ANKRD45: variants seen among roughly 807,000 people sequenced by gnomAD.
ANKRD45 encodes ankyrin repeat domain-containing protein 45.
Under a neutral mutation model 28.1 loss-of-function variants are expected in ANKRD45, and 21 were observed. The ratio of observed to expected loss-of-function variants is 0.75; its 90% CI spans 0.53 to 1.08. The LOEUF (loss-of-function observed/expected upper bound fraction) is 1.08. ANKRD45 is among the 50% of genes least tolerant of loss of function. The pLI, the probability that ANKRD45 is intolerant of heterozygous loss-of-function variation, is 0.00. For missense variants in ANKRD45, 261 were observed against 308.7 expected (o/e 0.85, Z 1.16); for synonymous variants, 86 against 103.9 (o/e 0.83, Z 1.05).
intron 1 of ANKRD45, among the ~76,000 whole-genome samples, chr1:173,666,299 C>A (rs968924971): frequency 1.3e-5 from 2 of 152,238 alleles, no homozygotes; most frequent in Admixed American, 1.3e-4. Context: ...GAATGCAGAT[C>A]TTGACATTTC....
At chr1:173,635,312 G>A in intron 3 of ANKRD45, 2 of 507,550 alleles carry the variant, frequency 3.9e-6, no homozygotes, top group East Asian at 3.2e-5. Flanking sequence ...ATGTTACAAT[G>A]ATCATCACTG....
intron 5 of ANKRD45, among the ~76,000 whole-genome samples, chr1:173,619,065 T>A (rs1276313752): frequency 6.6e-6 from 1 of 152,112 alleles, no homozygotes; most frequent in Non-Finnish European, 1.5e-5. Context: ...AGAAATAAGA[T>A]CCTTTTCAGA....
In ANKRD45 at chr1:173,610,048, T is replaced by TA. The variant is rs1479902379; in HGVS notation, c.*96dup. ...CGATGTAATGTTGTACTTAAATACT[T>TA]AAAGAAACCCACATCTGTTTTCTCG... On this transcript the variant is annotated 3_prime_UTR_variant, in exon 6 of 6. Coordinates refer to ENST00000333279, the MANE Select transcript of ANKRD45 (RefSeq NM_198493.3). The TA allele has an allele frequency of 5.5e-6, 7 of 1,272,004 alleles. No individual in the cohort carries two copies. In the Admixed American group the frequency reaches 1.3e-4, roughly 24 times the overall value. The allele number at this position is 1,272,004 out of a possible 1,614,324, so 78.8% of individuals were successfully genotyped here.
At chr1:173,675,668 T>G in the ANKRD45 span, among the ~76,000 whole-genome samples, 6 of 152,068 alleles carry the variant, frequency 3.9e-5, no homozygotes, top group African/African-American at 1.4e-4. Flanking sequence ...TAGAAAATAA[T>G]AAAAATTGAA....
At chr1:173,710,379 G>C in the ANKRD45 span, among the ~76,000 whole-genome samples, 1 of 152,166 alleles carries the variant, frequency 6.6e-6, no homozygotes, top group Admixed American at 6.5e-5. Context: ...AGTACATGTG[G>C]AACAGGTCCA....
At chr1:173,639,156 A>G (rs968115715) in intron 3 of ANKRD45, among the ~76,000 whole-genome samples, 3 of 152,230 alleles carry the variant, frequency 2.0e-5, no homozygotes, top group Admixed American at 2.0e-4. Flanking sequence ...GGCGTGGCAC[A>G]TACAGTTAGA....
At chr1:173,687,483 G>A in the ANKRD45 span, among the ~76,000 whole-genome samples, 1 of 119,412 alleles carries the variant, frequency 8.4e-6, no homozygotes, top group East Asian at 2.4e-4. Context: ...TTTCTTCTCT[G>A]AAGATAACTA....
chr1:173,674,374 A>G (rs1670346070), upstream of ANKRD45, among the ~76,000 whole-genome samples: 1 of 151,200 alleles, frequency 6.6e-6, no homozygotes, highest in Admixed American at 6.6e-5. Context: ...CACATTCACC[A>G]TGCTTTTGTG....
the ANKRD45 span, among the ~76,000 whole-genome samples, chr1:173,689,805 G>A: frequency 6.6e-6 from 1 of 152,036 alleles, no homozygotes; most frequent in East Asian, 1.9e-4. Flanking sequence ...GTCTCGGGTG[G>A]AGAATTTCTG....
At chr1:173,646,400 A>G (rs1308196577) in intron 3 of ANKRD45, among the ~76,000 whole-genome samples, 1 of 152,182 alleles carries the variant, frequency 6.6e-6, no homozygotes, top group Non-Finnish European at 1.5e-5. Flanking sequence ...TAGCACTATA[A>G]ATTAATTTAG....
At position 173,661,907 on chromosome 1, in the gene ANKRD45, A is replaced by C. The variant is rs1351819684; in HGVS notation, c.-15-2474T>G. On this transcript the variant is annotated intron_variant, in intron 1 of 5. Coordinates refer to ENST00000333279, the MANE Select transcript of ANKRD45 (RefSeq NM_198493.3). ...TAAACATGGTGAAACACTAGGAAAT[A>C]ACAGGGAAGTGAAGAGAAAAAACTT... 2.6e-5 allele frequency among the ~76,000 whole-genome samples: 4 copies of C among 152,322 alleles called. No individual in the cohort carries two copies. In the East Asian group the frequency reaches 7.7e-4, roughly 29 times the overall value.
rs1558135292 is a variant in ANKRD45, at chr1:173,646,989, G to A, written c.353C>T (p.Ala118Val). The change falls in exon 3 of 6, where the codon GCA (alanine) becomes GTA (valine). Residue 118 changes from alanine (A) to valine (V), a missense_variant. Physicochemically the swap from Ala to Val is moderately conservative, Grantham distance 64 (BLOSUM62 0). Coordinates refer to ENST00000333279, the MANE Select transcript of ANKRD45 (RefSeq NM_198493.3). ...TRGYTLLHCA[A>V]AWGRLETLKA... ...CAAAGTTTCCAAACGACCCCAGGCT[G>A]CAGCACAATGTAAGAGTGTGTACCC... The A allele has an allele frequency of 1.2e-6, 2 of 1,614,040 alleles. No individual in the cohort carries two copies. The highest frequency in any genetic ancestry group is 2.7e-5 in the African/African-American group (2 of 75,036).
chr1:173,687,454 A>ACCCCC, the ANKRD45 span, among the ~76,000 whole-genome samples: 1 of 74,414 alleles, frequency 1.3e-5, no homozygotes, highest in Non-Finnish European at 3.1e-5. Context: ...TATAAATTCT[A>ACCCCC]CCCCCCCCCC....
At chr1:173,630,818 T>TAAAAAA in intron 3 of ANKRD45, among the ~76,000 whole-genome samples, 1 of 29,066 alleles carries the variant, frequency 3.4e-5, no homozygotes, top group Non-Finnish European at 7.5e-5. Context: ...AGACTCTGTC[T>TAAAAAA]AAAAAAAAAA....
the ANKRD45 span, among the ~76,000 whole-genome samples, chr1:173,676,872 A>G: frequency 1.3e-5 from 2 of 149,966 alleles, no homozygotes; most frequent in African/African-American, 4.9e-5. Flanking sequence ...GGAGTTTCCC[A>G]TAATTTTTGA....
rs573162280 is a variant in ANKRD45 at position 173,659,338 on chromosome 1, G to A, written c.81C>T (p.Ala27=). 13 of 1,612,112 alleles carry A rather than the reference G, an allele frequency of 8.1e-6. No homozygotes were observed. In the African/African-American group the frequency reaches 1.3e-4, roughly 17 times the overall value. The change falls in exon 2 of 6, where the codon GCC becomes GCT. Residue 27 remains alanine, a synonymous_variant. Transcript: ENST00000333279. ...TAGGGCCTGTTTCCTCTGGTTCTTG[G>A]GCTTCTTCTTCTTCATTTTCCTCTT... ...QQEEENEEEE[A]QEPEETGPKN... is the part of the protein sequence containing the mutation.
At chr1:173,708,461 G>A in the ANKRD45 span, among the ~76,000 whole-genome samples, 2 of 152,236 alleles carry the variant, frequency 1.3e-5, no homozygotes, top group Non-Finnish European at 2.9e-5. Context: ...GAAGCAGACA[G>A]CAGCCCTTGT....
At chr1:173,676,343 G>A in the ANKRD45 span, among the ~76,000 whole-genome samples, 2 of 152,160 alleles carry the variant, frequency 1.3e-5, no homozygotes. Context: ...GTTCATAGGA[G>A]TACACTTAAC....
At chr1:173,708,887 T>G in the ANKRD45 span, among the ~76,000 whole-genome samples, 1 of 152,218 alleles carries the variant, frequency 6.6e-6, no homozygotes, top group African/African-American at 2.4e-5. Flanking sequence ...ACCCCGGTCT[T>G]CTAGCTCCCA....
Sources: gnomAD v4.1 joint callset for allele counts (sites outside exome capture counted in the v4.1 genomes callset) on GRCh38, gnomAD v4.1.1 for gene constraint, MANE v1.5 for transcripts, NCBI Gene and HGNC (gene_info 2026-07-23, HGNC 2026-07-21) for gene names.